Variants in ADCYAP1R1 observed in about 807,000 individuals in gnomAD.
ADCYAP1R1 encodes ADCYAP receptor type I, also known as pituitary adenylate cyclase-activating polypeptide type I receptor.
In ADCYAP1R1, 44 loss-of-function variants were observed where a neutral mutation model predicts 67.6. That is an observed-to-expected ratio of 0.65 (90% CI 0.51 to 0.84). ADCYAP1R1 has a LOEUF of 0.84. ADCYAP1R1 is among the 40% of genes least tolerant of loss of function. The pLI is 0.00. For missense variants in ADCYAP1R1, 477 were observed against 587.9 expected (o/e 0.81, Z 1.95); for synonymous variants, 222 against 219.6 (o/e 1.01, Z -0.10).
At position 31,092,812 on chromosome 7, in the gene ADCYAP1R1, G is replaced by A. The variant is rs1796021311; in HGVS notation, c.1046+77G>A. The A allele has an allele frequency of 4.6e-6, 5 of 1,093,206 alleles. 1 individual carries two copies. The highest frequency in any genetic ancestry group is 4.1e-5 in the South Asian group (3 of 73,598). 67.7% of individuals were successfully genotyped at this position (1,093,206 alleles called of 1,614,324 possible). On this transcript the variant is annotated intron_variant, in intron 13 of 15. Coordinates refer to ENST00000304166, the MANE Select transcript of ADCYAP1R1 (RefSeq NM_001118.5). Reference sequence around the variant, plus strand: ...CTGCATTCAGGTCACAGCAGAAGGCGGCCTGGGCTTTGCTGATAGGGTGAC... The same window carrying A: ...CTGCATTCAGGTCACAGCAGAAGGCAGCCTGGGCTTTGCTGATAGGGTGAC...
intron 6 of ADCYAP1R1, among the ~76,000 whole-genome samples, chr7:31,082,426 T>A (rs1795552195): frequency 6.6e-6 from 1 of 152,144 alleles, no homozygotes. Flanking sequence ...CCACACTGTG[T>A]TATAAAAAGG....
chr7:31,080,477 C>A, intron 4 of ADCYAP1R1, 136 bp from the exon 5 acceptor site: 1 of 860,096 alleles, frequency 1.2e-6, no homozygotes, highest in South Asian at 1.6e-5. Flanking sequence ...CTGGGTCCCC[C>A]AGAGCCCCTC....
At chr7:31,066,385 C>T (rs1221862818) in intron 3 of ADCYAP1R1, among the ~76,000 whole-genome samples, 1 of 152,148 alleles carries the variant, frequency 6.6e-6, no homozygotes, top group Non-Finnish European at 1.5e-5. Context: ...AGTTTAATTG[C>T]TCACCTGCTT....
rs1043734245 is a variant in ADCYAP1R1, at chr7:31,104,750, G to T, written c.1177-118G>T. The T allele has an allele frequency of 5.3e-5, 61 of 1,149,316 alleles. 1 individual carries two copies. The Admixed American group carries it at 8.8e-4, about 16-fold the overall frequency. The allele number at this position is 1,149,316 out of a possible 1,614,324, so 71.2% of individuals were successfully genotyped here. Reference sequence around the variant, plus strand: ...CATCTTACCCCAGATCCCTGGGCAGGTGCCCCCATCCAGGTCATGGTGTAT... The same window carrying T: ...CATCTTACCCCAGATCCCTGGGCAGTTGCCCCCATCCAGGTCATGGTGTAT... On this transcript the variant is annotated intron_variant, in intron 14 of 15. Coordinates refer to ENST00000304166, the MANE Select transcript of ADCYAP1R1 (RefSeq NM_001118.5).
At chr7:31,098,153 C>T (rs1426212092) in intron 13 of ADCYAP1R1, among the ~76,000 whole-genome samples, 3 of 152,198 alleles carry the variant, frequency 2.0e-5, no homozygotes, top group East Asian at 1.9e-4. Flanking sequence ...CCACCCGCCT[C>T]GGCCTCCCAA....
At position 31,085,398 on chromosome 7, in the gene ADCYAP1R1, A is replaced by C; in HGVS notation, c.625A>C (p.Ile209Leu). The C allele has an allele frequency of 1.2e-6, 2 of 1,613,888 alleles. No homozygotes were observed. The highest frequency in any genetic ancestry group is 1.7e-6 in the Non-Finnish European group (2 of 1,179,986). Reference protein sequence around the residue: ...RAISVFIKDWILYAEQDSNHC... With the variant: ...RAISVFIKDWLLYAEQDSNHC... ...GATCTCCGTCTTCATCAAAGACTGGATTCTGTATGCGGAGCAGGACAGCAA... is the reference window on the plus strand; with the variant it reads ...GATCTCCGTCTTCATCAAAGACTGGCTTCTGTATGCGGAGCAGGACAGCAA... The change falls in exon 9 of 16, where the codon ATT (isoleucine) becomes CTT (leucine). Residue 209 changes from isoleucine to leucine, a missense_variant. Ile to Leu is a conservative substitution (Grantham distance 5, BLOSUM62 2). Coordinates refer to ENST00000304166, the MANE Select transcript of ADCYAP1R1 (RefSeq NM_001118.5).
chr7:31,062,228 C>T (rs537113311), intron 1 of ADCYAP1R1, among the ~76,000 whole-genome samples: 8 of 152,242 alleles, frequency 5.3e-5, no homozygotes, highest in African/African-American at 1.7e-4. Context: ...CCCCTGGGAG[C>T]GTGCTGGGCT....
intron 3 of ADCYAP1R1, among the ~76,000 whole-genome samples, chr7:31,068,351 A>C (rs1311133729): frequency 6.6e-6 from 1 of 152,168 alleles, no homozygotes; most frequent in Non-Finnish European, 1.5e-5. Flanking sequence ...TCTCTTACCT[A>C]GTAAACCCCT....
At chr7:31,096,553 A>G (rs1415055874) in intron 13 of ADCYAP1R1, among the ~76,000 whole-genome samples, 3 of 152,286 alleles carry the variant, frequency 2.0e-5, no homozygotes, top group East Asian at 3.9e-4. Context: ...GGCACCACCT[A>G]AGATGACCCA....
At chr7:31,103,439 G>A in intron 14 of ADCYAP1R1, 73 bp downstream of exon 14, 2 of 1,600,126 alleles carry the variant, frequency 1.2e-6, no homozygotes, top group Admixed American at 1.7e-5. Flanking sequence ...AAGTGGTGCT[G>A]GAGCCTCTTT....
Position 31,107,127 on chromosome 7 carries a change from AT to A in ADCYAP1R1, c.*447del. On this transcript the variant is annotated 3_prime_UTR_variant, in exon 16 of 16. Transcript: ENST00000304166. ...TGCCCCAACAGCCCCCCATCATCTG[AT>A]TTTGGGTGTGACCCCTCGAGTGTGC... is the stretch of plus-strand genomic sequence containing the variant. 1 of 159,752 alleles carries A rather than the reference AT, an allele frequency of 6.3e-6. No individual in the cohort carries two copies. Among genetic ancestry groups the A allele is most frequent in the Non-Finnish European group, 1.4e-5 (1 of 73,600 alleles). 9.9% of individuals were successfully genotyped at this position (159,752 alleles called of 1,614,324 possible).
chr7:31,081,446 G>A (rs574028752), intron 5 of ADCYAP1R1, among the ~76,000 whole-genome samples: 13 of 152,116 alleles, frequency 8.5e-5, no homozygotes, highest in Non-Finnish European at 1.5e-4. Context: ...TCCTGGCAGT[G>A]CCCATTTCCA....
intron 3 of ADCYAP1R1, among the ~76,000 whole-genome samples, chr7:31,067,910 G>A (rs1357523507): frequency 1.3e-5 from 2 of 152,234 alleles, no homozygotes; most frequent in Non-Finnish European, 2.9e-5. Flanking sequence ...GGGGTTTCCA[G>A]GGCTCCCACC....
At chr7:31,057,255 C>A (rs1415810647) in intron 1 of ADCYAP1R1, among the ~76,000 whole-genome samples, 1 of 152,230 alleles carries the variant, frequency 6.6e-6, no homozygotes, top group Non-Finnish European at 1.5e-5. Context: ...TCTTCCTCCC[C>A]CTCCTCTTAC....
chr7:31,053,918 G>T (rs1473173249), intron 1 of ADCYAP1R1, among the ~76,000 whole-genome samples: 1 of 152,320 alleles, frequency 6.6e-6, no homozygotes, highest in South Asian at 2.1e-4. Flanking sequence ...GGATTCCCAA[G>T]CAGATGGAAA....
chr7:31,054,099 T>A (rs549798974), intron 1 of ADCYAP1R1, among the ~76,000 whole-genome samples: 1 of 152,134 alleles, frequency 6.6e-6, no homozygotes, highest in African/African-American at 2.4e-5. Context: ...AGGCACCAGC[T>A]TGGACACAAG....
chr7:31,092,504 A>G (rs941648211), intron 12 of ADCYAP1R1, 140 bp from the exon 13 acceptor site: 2 of 670,720 alleles, frequency 3.0e-6, no homozygotes, highest in African/African-American at 3.7e-5. Context: ...CTGGAGAGAT[A>G]AATGGGAATT....
rs758059344 is a variant in ADCYAP1R1 at position 31,080,632 on chromosome 7, T to C, written c.285T>C (p.Ile95=). The change falls in exon 5 of 16, where the codon ATT becomes ATC. Residue 95 remains isoleucine (I), a splice_region_variant and synonymous_variant. Transcript: ENST00000304166. ...TTTCAGTCTGGGAGACCGAAACCAT[T>C]GGTAAGAGGAACCTTGGTGAGGATA... is the stretch of plus-strand genomic sequence containing the variant. ...NPDQVWETET[I]GESDFGDSNS... The C allele has an allele frequency of 6.2e-7, 1 of 1,613,838 alleles. No individual in the cohort carries two copies. The highest frequency in any genetic ancestry group is 1.1e-5 in the South Asian group (1 of 91,038).
intron 9 of ADCYAP1R1, 39 bp downstream of exon 9, chr7:31,085,481 A>C (rs943490168): frequency 1.3e-6 from 2 of 1,597,614 alleles, no homozygotes; most frequent in East Asian, 4.5e-5. Context: ...CTCTGCCGGG[A>C]AGGTCCCGCA....
Sources: gnomAD v4.1 joint callset for allele counts (sites outside exome capture counted in the v4.1 genomes callset) on GRCh38, gnomAD v4.1.1 for gene constraint, MANE v1.5 for transcripts, NCBI Gene and HGNC (gene_info 2026-07-23, HGNC 2026-07-21) for gene names.